Variants in KLRG1 observed in about 807,000 individuals in gnomAD.
The protein encoded by KLRG1 is killer cell lectin-like receptor subfamily G member 1.
A neutral mutation model predicts 21.8 loss-of-function variants in KLRG1; 16 were observed. The ratio of observed to expected loss-of-function variants is 0.73; its 90% CI spans 0.50 to 1.11. The LOEUF is 1.11. KLRG1 is among the 50% of genes most tolerant of loss of function. The probability of loss-of-function intolerance (pLI) is 0.00; values close to 1 mark genes in which losing one functional copy is unlikely to be tolerated. For synonymous variants in KLRG1, 69 were observed against 75.9 expected, an observed-to-expected ratio of 0.91 and a Z score of 0.47; for missense variants, 173 against 218.3, an observed-to-expected ratio of 0.79 and a Z score of 1.31.
the KLRG1 span, among the ~76,000 whole-genome samples, chr12:9,189,023 C>A: frequency 2.6e-5 from 4 of 152,008 alleles, no homozygotes; most frequent in Non-Finnish European, 5.9e-5. Flanking sequence ...AAAAAATATT[C>A]CATGCTCATA....
the KLRG1 span, among the ~76,000 whole-genome samples, chr12:9,038,484 G>T: frequency 6.6e-6 from 1 of 151,940 alleles, no homozygotes; most frequent in Non-Finnish European, 1.5e-5. Context: ...AAAATCAACT[G>T]GTTACGGACT....
At chr12:9,015,629 CA>C (rs752233297), downstream of KLRG1, among the ~76,000 whole-genome samples, 119 of 152,284 alleles carry the variant, frequency 7.8e-4, no homozygotes, top group African/African-American at 2.7e-3. Context: ...AAAGAAACAT[CA>C]GACTTAATCT....
At chr12:9,055,658 C>CT in the KLRG1 span, 1 of 152,602 alleles carries the variant, frequency 6.6e-6, no homozygotes, top group Non-Finnish European at 1.5e-5. Flanking sequence ...ACAAAATATC[C>CT]TTTTAAAAAG....
rs188971491 is a variant in KLRG1 at position 8,984,110 on chromosome 12, A to G, written c.-155-8096A>G. ...TTTTTTTCTCCCATTTTTTCCCTCT[A>G]TTCTTCATATTGGATTATTTTTAGC... On this transcript the variant is annotated intron_variant, in intron 1 of 4. Transcript: ENST00000539240. Among the ~76,000 whole-genome samples the G allele has an allele frequency of 9.8e-4, 148 of 151,608 alleles. 1 individual carries two copies. The highest frequency in any genetic ancestry group is 3.9e-4 in the East Asian group (2 of 5,166).
At chr12:9,181,168 C>T in the KLRG1 span, 9 of 1,613,316 alleles carry the variant, frequency 5.6e-6, no homozygotes, top group African/African-American at 9.3e-5. Context: ...CCAGTGTTTT[C>T]CCTACTTCTG....
chr12:9,159,705 C>T, the KLRG1 span, among the ~76,000 whole-genome samples: 3 of 151,734 alleles, frequency 2.0e-5, no homozygotes, highest in Admixed American at 6.6e-5. Context: ...TGATGCCCTG[C>T]ATCACCGTGG....
At chr12:8,972,316 C>T (rs1456298721) in intron 1 of KLRG1, among the ~76,000 whole-genome samples, 1 of 152,178 alleles carries the variant, frequency 6.6e-6, no homozygotes, top group Admixed American at 6.5e-5. Context: ...CGCCACCACT[C>T]CTGGCTAATT....
the KLRG1 span, chr12:9,028,724 G>A: frequency 2.0e-6 from 1 of 510,226 alleles, no homozygotes; most frequent in Non-Finnish European, 3.8e-6. Context: ...TTACAGGCCT[G>A]AGCCACCGCA....
chr12:9,196,274 C>T, the KLRG1 span: 1 of 1,239,260 alleles, frequency 8.1e-7, no homozygotes, highest in Non-Finnish European at 1.2e-6. Context: ...TCATTGTGTC[C>T]TGTGCTTAGG....
chr12:8,976,899 A>C (rs1298964288), intron 1 of KLRG1, among the ~76,000 whole-genome samples: 1 of 151,868 alleles, frequency 6.6e-6, no homozygotes, highest in Non-Finnish European at 1.5e-5. Context: ...GACATGTACT[A>C]CCACGCCTGG....
the KLRG1 span, among the ~76,000 whole-genome samples, chr12:9,178,491 T>C: frequency 6.6e-6 from 1 of 152,172 alleles, no homozygotes; most frequent in African/African-American, 2.4e-5. Context: ...AAGTGCTTCC[T>C]TTAGGTGAAA....
chr12:9,095,296 T>C, the KLRG1 span, among the ~76,000 whole-genome samples: 1 of 152,202 alleles, frequency 6.6e-6, no homozygotes. Flanking sequence ...TATATGTGAT[T>C]TTAATAAACA....
chr12:9,193,696 C>T, the KLRG1 span, among the ~76,000 whole-genome samples: 1,048 of 152,170 alleles, frequency 6.9e-3, 14 homozygotes, highest in African/African-American at 0.024. Flanking sequence ...TTTTGATCAT[C>T]GTCATTAGAC....
the KLRG1 span, chr12:9,101,197 T>C: frequency 1.3e-6 from 2 of 1,559,290 alleles, no homozygotes; most frequent in Non-Finnish European, 1.7e-6. Flanking sequence ...AATGCCTCCC[T>C]TTGCCATTAT....
At chr12:9,090,341 CA>C in the KLRG1 span, 8 of 1,613,920 alleles carry the variant, frequency 5.0e-6, no homozygotes, top group African/African-American at 9.3e-5. Flanking sequence ...TTATCTCTAG[CA>C]GTTTTTTGCT....
chr12:9,047,313 G>A, the KLRG1 span, among the ~76,000 whole-genome samples: 1 of 152,150 alleles, frequency 6.6e-6, no homozygotes, highest in Non-Finnish European at 1.5e-5. Flanking sequence ...TCTCTTATAA[G>A]GTATGTGCAC....
intron 1 of KLRG1, among the ~76,000 whole-genome samples, chr12:8,970,865 T>A (rs750614908): frequency 3.3e-5 from 5 of 152,204 alleles, no homozygotes; most frequent in Non-Finnish European, 5.9e-5. Context: ...GTTCACGTGA[T>A]CTATATCTTT....
At chr12:9,200,858 A>C in the KLRG1 span, 1 of 1,586,040 alleles carries the variant, frequency 6.3e-7, no homozygotes, top group Middle Eastern at 1.7e-4. Context: ...AGGAACCAAA[A>C]TGTTATGCCT....
At chr12:9,075,428 T>G in the KLRG1 span, among the ~76,000 whole-genome samples, 57,112 of 151,594 alleles carry the variant, frequency 0.38, 11,425 homozygotes, top group African/African-American at 0.49. Flanking sequence ...TTGCAGCATT[T>G]TTTTTAATAG....
Sources: gnomAD v4.1 joint callset for allele counts (sites outside exome capture counted in the v4.1 genomes callset) on GRCh38, gnomAD v4.1.1 for gene constraint, MANE v1.5 for transcripts, NCBI Gene and HGNC (gene_info 2026-07-23, HGNC 2026-07-21) for gene names.